EPM2A: variants seen among roughly 807,000 people sequenced by gnomAD.
The protein encoded by EPM2A is laforin.
Under a neutral mutation model 26.5 loss-of-function variants are expected in EPM2A, and 21 were observed. The ratio of observed to expected loss-of-function variants is 0.79; its 90% CI spans 0.56 to 1.14. The LOEUF is 1.14. Ranked by LOEUF, EPM2A falls within the 50% of genes most tolerant of loss-of-function variation. The pLI, the probability that EPM2A is intolerant of heterozygous loss-of-function variation, is 0.00. For synonymous variants in EPM2A, 217 were observed against 177.6 expected, an observed-to-expected ratio of 1.22 and a Z score of -1.76; for missense variants, 458 against 440.8, an observed-to-expected ratio of 1.04 and a Z score of -0.35.
At chr6:145,567,850 G>T (rs191583718) in intron 2 of EPM2A, among the ~76,000 whole-genome samples, 1 of 152,314 alleles carries the variant, frequency 6.6e-6, no homozygotes, top group East Asian at 1.9e-4. Flanking sequence ...CGGCTCTGCT[G>T]TCTTTGTGCA....
chr6:145,735,776 A>G, upstream of EPM2A: 1 of 300,478 alleles, frequency 3.3e-6, no homozygotes, highest in Non-Finnish European at 5.1e-6. Context: ...CGCTGGGGAC[A>G]CGCGACCGGA....
chr6:145,667,204 A>C (rs9497387), intron 2 of EPM2A, among the ~76,000 whole-genome samples: 40,628 of 84,478 alleles, frequency 0.48, 10,113 homozygotes, highest in East Asian at 0.67. Context: ...CAGCAAAAGA[A>C]ACTACCATCA....
chr6:145,418,879 T>C (rs1778743622), intron 4 of EPM2A, among the ~76,000 whole-genome samples: 1 of 152,232 alleles, frequency 6.6e-6, no homozygotes, highest in Admixed American at 6.5e-5. Context: ...TGAAGTATGC[T>C]ATGTAGTTAA....
At chr6:145,453,581 C>T (rs540036817) in intron 4 of EPM2A, among the ~76,000 whole-genome samples, 1 of 152,186 alleles carries the variant, frequency 6.6e-6, no homozygotes, top group Non-Finnish European at 1.5e-5. Context: ...TGCAGCTGTG[C>T]AAAGATTAGA....
At chr6:145,562,663 A>C (rs1780822303) in intron 2 of EPM2A, among the ~76,000 whole-genome samples, 1 of 152,076 alleles carries the variant, frequency 6.6e-6, no homozygotes, top group Admixed American at 6.6e-5. Flanking sequence ...TCCCCTGCCC[A>C]CATTAGTTAT....
At chr6:145,689,016 G>C (rs1781108184) in intron 1 of EPM2A, among the ~76,000 whole-genome samples, 1 of 152,104 alleles carries the variant, frequency 6.6e-6, no homozygotes, top group South Asian at 2.1e-4. Context: ...TACAACAATT[G>C]AATTATTACC....
At chr6:145,734,893 A>T in intron 1 of EPM2A, 1 of 186,718 alleles carries the variant, frequency 5.4e-6, no homozygotes, top group South Asian at 1.9e-4. Context: ...GTTGGAAAGA[A>T]GCTGAGGACT....
chr6:145,670,879 G>A (rs960410017), intron 2 of EPM2A: 15 of 983,670 alleles, frequency 1.5e-5, no homozygotes, highest in East Asian at 1.1e-4. Context: ...ACTCTCACAC[G>A]CCCAGTTAAT....
chr6:145,555,908 GCCTA>G (rs1780722760), intron 2 of EPM2A, among the ~76,000 whole-genome samples: 1 of 152,028 alleles, frequency 6.6e-6, no homozygotes, highest in Non-Finnish European at 1.5e-5. Flanking sequence ...TCAAACTTAT[GCCTA>G]CCTAACAAAG....
intron 2 of EPM2A, among the ~76,000 whole-genome samples, chr6:145,550,369 G>C (rs7754527): frequency 0.05 from 7,554 of 151,970 alleles, 640 homozygotes; most frequent in African/African-American, 0.17. Flanking sequence ...CTATGAAAAG[G>C]GGATATAAGC....
At chr6:145,674,626 G>A (rs1322234067) in intron 2 of EPM2A, among the ~76,000 whole-genome samples, 1 of 152,030 alleles carries the variant, frequency 6.6e-6, no homozygotes, top group Non-Finnish European at 1.5e-5. Flanking sequence ...CATGGCACGA[G>A]AACCTTGTGA....
chr6:145,550,947 A>C (rs1016845332), intron 2 of EPM2A, among the ~76,000 whole-genome samples: 1 of 151,940 alleles, frequency 6.6e-6, no homozygotes, highest in African/African-American at 2.4e-5. Context: ...ATCAAAACTT[A>C]CATGTGAATT....
intron 2 of EPM2A, among the ~76,000 whole-genome samples, chr6:145,665,799 C>G (rs1168094772): frequency 2.4e-5 from 3 of 126,158 alleles, no homozygotes; most frequent in Admixed American, 8.4e-5. Flanking sequence ...AGCAGCACAT[C>G]AAAAAGCTTA....
chr6:145,507,725 C>A (rs1284076184), intron 2 of EPM2A, among the ~76,000 whole-genome samples: 1 of 152,170 alleles, frequency 6.6e-6, no homozygotes, highest in African/African-American at 2.4e-5. Flanking sequence ...TTCCCACTGC[C>A]AGAATTGAGT....
intron 2 of EPM2A, chr6:145,640,445 C>T (rs1243367320): frequency 6.6e-6 from 1 of 152,166 alleles, no homozygotes. Context: ...GTTTATTTAT[C>T]ACACCTAAAG....
intron 3 of EPM2A, 156 bp from the exon 4 acceptor site, chr6:145,627,849 A>T: frequency 9.3e-7 from 1 of 1,075,436 alleles, no homozygotes; most frequent in Non-Finnish European, 1.3e-6. Context: ...GGAAAAAGTG[A>T]GACCATTTTA....
intron 2 of EPM2A, among the ~76,000 whole-genome samples, chr6:145,660,666 G>C (rs1778629530): frequency 6.6e-6 from 1 of 152,122 alleles, no homozygotes; most frequent in Non-Finnish European, 1.5e-5. Context: ...GCTGGGCATG[G>C]TGGCGCATGC....
intron 4 of EPM2A, among the ~76,000 whole-genome samples, chr6:145,479,008 T>C (rs1367944680): frequency 1.3e-5 from 2 of 151,444 alleles, no homozygotes; most frequent in African/African-American, 4.8e-5. Flanking sequence ...TGTTCTCTAA[T>C]TTGTGAGGTG....
At chr6:145,476,581 A>AT (rs1340227407) in intron 4 of EPM2A, among the ~76,000 whole-genome samples, 1 of 152,100 alleles carries the variant, frequency 6.6e-6, no homozygotes, top group African/African-American at 2.4e-5. Context: ...ACATTTCAAA[A>AT]AATTAAAATA....
Sources: allele counts gnomAD v4.1 joint callset (sites outside exome capture counted in the v4.1 genomes callset), GRCh38; gene constraint gnomAD v4.1.1; transcripts MANE v1.5; gene names NCBI Gene and HGNC (gene_info 2026-07-23, HGNC 2026-07-21).